The following ZCCHC7 variants were observed in gnomAD, a reference collection of about 807,000 sequenced individuals.
ZCCHC7 encodes the protein zinc finger CCHC domain-containing protein 7.
In ZCCHC7, 35 loss-of-function variants were observed where a neutral mutation model predicts 52.0. The observed-to-expected ratio is 0.67, with a 90% confidence interval of 0.51 to 0.89. The LOEUF is 0.89. ZCCHC7 is among the 40% of genes least tolerant of loss of function. The pLI is 0.00. For missense variants in ZCCHC7, 574 were observed against 649.1 expected (o/e 0.88, Z 1.26); for synonymous variants, 217 against 221.5 (o/e 0.98, Z 0.18).
chr9:37,246,127 C>G (rs1826070796), intron 2 of ZCCHC7, among the ~76,000 whole-genome samples: 1 of 152,018 alleles, frequency 6.6e-6, no homozygotes, highest in African/African-American at 2.4e-5. Flanking sequence ...GAGACTGATT[C>G]CTTTCTAAAA....
intron 2 of ZCCHC7, among the ~76,000 whole-genome samples, chr9:37,267,331 G>GC (rs1412308042): frequency 2.3e-4 from 35 of 152,260 alleles, no homozygotes; most frequent in African/African-American, 8.4e-4. Context: ...CTTGCTGAAA[G>GC]TGTTCTTCTC....
chr9:37,272,354 T>C (rs1827459172), intron 2 of ZCCHC7, among the ~76,000 whole-genome samples: 3 of 152,072 alleles, frequency 2.0e-5, no homozygotes, highest in Non-Finnish European at 4.4e-5. Context: ...GAATTTAATG[T>C]TTATTATTCC....
intron 2 of ZCCHC7, among the ~76,000 whole-genome samples, chr9:37,132,965 C>A (rs1249575264): frequency 6.6e-6 from 1 of 152,122 alleles, no homozygotes; most frequent in Non-Finnish European, 1.5e-5. Context: ...GGTGAAACCC[C>A]GTCTCTTCTA....
intron 6 of ZCCHC7, among the ~76,000 whole-genome samples, chr9:37,341,300 C>T (rs970776611): frequency 4.6e-5 from 7 of 152,260 alleles, no homozygotes; most frequent in African/African-American, 1.7e-4. Context: ...CCCTTAATGA[C>T]ATAAAAAATT....
intron 5 of ZCCHC7, 58 bp downstream of exon 5, chr9:37,305,772 A>C: frequency 6.3e-7 from 1 of 1,581,576 alleles, no homozygotes; most frequent in Non-Finnish European, 8.7e-7. Flanking sequence ...GCAAGTTTGT[A>C]ATTAATGTGC....
Position 37,306,402 on chromosome 9 carries a change from A to T in ZCCHC7, c.951+688A>T, listed in dbSNP as rs1829307157. ...CATATTTAAATGAAAATATATGCAC[A>T]ATTAGCAGTTATATACAGATGTTTA... On this transcript the variant is annotated intron_variant, in intron 5 of 8. Coordinates refer to ENST00000336755, the MANE Select transcript of ZCCHC7 (RefSeq NM_032226.3). 2.6e-5 allele frequency among the ~76,000 whole-genome samples: 4 copies of T among 151,722 alleles called. No homozygotes were observed. The South Asian group carries it at 8.3e-4, about 32-fold the overall frequency.
chr9:37,121,950 A>T (rs1025567359), intron 1 of ZCCHC7, among the ~76,000 whole-genome samples: 1 of 152,200 alleles, frequency 6.6e-6, no homozygotes, highest in Non-Finnish European at 1.5e-5. Flanking sequence ...CCCTTTAGAC[A>T]ATTGTGTTTC....
chr9:37,177,142 C>T (rs187602012), intron 2 of ZCCHC7, among the ~76,000 whole-genome samples: 3 of 152,166 alleles, frequency 2.0e-5, no homozygotes, highest in African/African-American at 4.8e-5. Flanking sequence ...GAGTTTGAGA[C>T]GAGCCTGGCC....
chr9:37,332,916 T>A (rs660950), intron 6 of ZCCHC7, among the ~76,000 whole-genome samples: 12,428 of 151,528 alleles, frequency 0.082, 1,423 homozygotes, highest in African/African-American at 0.25. Flanking sequence ...GTGAATGGAG[T>A]TAGAATAAGA....
intron 2 of ZCCHC7, among the ~76,000 whole-genome samples, chr9:37,215,984 T>G (rs1216698050): frequency 6.6e-6 from 1 of 152,200 alleles, no homozygotes; most frequent in African/African-American, 2.4e-5. Flanking sequence ...TAGGAATTGT[T>G]CAATAAATCA....
chr9:37,199,500 T>G (rs1823484156), intron 2 of ZCCHC7, among the ~76,000 whole-genome samples: 1 of 151,348 alleles, frequency 6.6e-6, no homozygotes, highest in Admixed American at 6.6e-5. Context: ...CCCAGTTAAT[T>G]TTTTGTAATT....
chr9:37,191,688 T>C (rs376942772), intron 2 of ZCCHC7, among the ~76,000 whole-genome samples: 3 of 152,348 alleles, frequency 2.0e-5, no homozygotes, highest in South Asian at 2.1e-4. Context: ...AAGGTAAGGT[T>C]CAGGCTGTTT....
rs190190589 is a variant in ZCCHC7, at chr9:37,261,571, C to T, written c.611-40617C>T. Reference sequence around the variant, plus strand: ...CTGATTCCTTGTGTTCTCAGGGTGGCCTGGCAGGAGCTTCTGGGTCAGTTG... The same window carrying T: ...CTGATTCCTTGTGTTCTCAGGGTGGTCTGGCAGGAGCTTCTGGGTCAGTTG... On this transcript the variant is annotated intron_variant, in intron 2 of 8. Transcript: ENST00000336755. Among the ~76,000 whole-genome samples the T allele has an allele frequency of 1.8e-3, 270 of 152,282 alleles. 2 individuals are homozygous for T. The highest frequency in any genetic ancestry group is 6.8e-3 in the Middle Eastern group (2 of 294).
chr9:37,350,424 G>A (rs995222286), intron 7 of ZCCHC7, among the ~76,000 whole-genome samples: 5 of 152,286 alleles, frequency 3.3e-5, no homozygotes, highest in East Asian at 1.9e-4. Context: ...GAGCCACTGC[G>A]CCCGGCCCAA....
At chr9:37,150,403 C>T (rs558692739) in intron 2 of ZCCHC7, among the ~76,000 whole-genome samples, 1 of 152,280 alleles carries the variant, frequency 6.6e-6, no homozygotes, top group South Asian at 2.1e-4. Context: ...TATATTAAAT[C>T]TGAAATTTCA....
At chr9:37,133,785 C>T in intron 2 of ZCCHC7, among the ~76,000 whole-genome samples, 1 of 152,142 alleles carries the variant, frequency 6.6e-6, no homozygotes, top group East Asian at 1.9e-4. Flanking sequence ...AACGGGGTTT[C>T]ACCATGTTGG....
At chr9:37,157,232 T>C (rs1326973899) in intron 2 of ZCCHC7, among the ~76,000 whole-genome samples, 1 of 148,218 alleles carries the variant, frequency 6.7e-6, no homozygotes, top group African/African-American at 2.5e-5. Context: ...GTGCTGTGGC[T>C]CAGTCCTGTA....
intron 6 of ZCCHC7, among the ~76,000 whole-genome samples, chr9:37,349,021 C>G (rs932004643): frequency 5.9e-5 from 9 of 152,220 alleles, no homozygotes; most frequent in South Asian, 2.1e-4. Context: ...GTACATACTA[C>G]TGTCACTGTA....
intron 2 of ZCCHC7, among the ~76,000 whole-genome samples, chr9:37,204,792 T>C (rs1823818011): frequency 6.6e-6 from 1 of 152,242 alleles, no homozygotes; most frequent in African/African-American, 2.4e-5. Flanking sequence ...TTATGTGGGC[T>C]CTTTTTTTGG....
Sources: allele counts gnomAD v4.1 joint callset (sites outside exome capture counted in the v4.1 genomes callset), GRCh38; gene constraint gnomAD v4.1.1; transcripts MANE v1.5; gene names NCBI Gene and HGNC (gene_info 2026-07-23, HGNC 2026-07-21).